Variants in PTPRD observed in about 807,000 individuals in gnomAD.
The protein encoded by PTPRD is receptor-type tyrosine-protein phosphatase delta.
In PTPRD, 34 loss-of-function variants were observed where a neutral mutation model predicts 214.5. The observed-to-expected ratio is 0.16, with a 90% CI of 0.12 to 0.21. The LOEUF (loss-of-function observed/expected upper bound fraction) is 0.21, where lower values mean the gene tolerates loss of function less well. PTPRD is among the 10% of genes least tolerant of loss of function. The pLI, the probability that PTPRD is intolerant of heterozygous loss-of-function variation, is 1.00. For synonymous variants in PTPRD, 1,128 were observed against 845.7 expected (o/e 1.33, Z -5.79); for missense variants, 2,545 against 2,398.7 (o/e 1.06, Z -1.27).
chr9:9,193,394 T>A (rs2099936429), intron 9 of PTPRD, among the ~76,000 whole-genome samples: 1 of 152,158 alleles, frequency 6.6e-6, no homozygotes, highest in Admixed American at 6.6e-5. Context: ...TTTGTAAACT[T>A]GGATAAATGT....
At chr9:9,382,163 T>G (rs2062506407) in intron 9 of PTPRD, among the ~76,000 whole-genome samples, 1 of 152,084 alleles carries the variant, frequency 6.6e-6, no homozygotes, top group African/African-American at 2.4e-5. Flanking sequence ...TTTTTTTTCT[T>G]AATTTTCTTT....
chr9:9,653,905 G>T (rs1295963212), intron 7 of PTPRD, among the ~76,000 whole-genome samples: 1 of 151,994 alleles, frequency 6.6e-6, no homozygotes, highest in Non-Finnish European at 1.5e-5. Flanking sequence ...TCAATGGAAG[G>T]CTTATTTAAA....
chr9:8,936,440 A>AG lies in PTPRD; in HGVS notation c.-104+82256_-104+82257insC, dbSNP rs1445584361. Among the ~76,000 whole-genome samples the AG allele has an allele frequency of 2.9e-3, 438 of 150,060 alleles. 9 individuals are homozygous for AG. Among genetic ancestry groups the AG allele is most frequent in the African/African-American group, 9.4e-3 (385 of 41,036 alleles). On this transcript the variant is annotated intron_variant, in intron 11 of 45. Transcript: ENST00000381196. ...AGACCCTGCCTCCAAAAAAAAAAAA[A>AG]AAAAAAAAAAGAAGATGAAAAATAA...
At chr9:10,204,251 T>G (rs2099453719) in intron 3 of PTPRD, among the ~76,000 whole-genome samples, 1 of 152,162 alleles carries the variant, frequency 6.6e-6, no homozygotes, top group South Asian at 2.1e-4. Flanking sequence ...AAAATCTCTT[T>G]GGGTTTGCTT....
intron 3 of PTPRD, among the ~76,000 whole-genome samples, chr9:10,248,209 G>C (rs1033365686): frequency 6.6e-6 from 1 of 152,100 alleles, no homozygotes; most frequent in Non-Finnish European, 1.5e-5. Flanking sequence ...ATACAGAGTG[G>C]AGGCAAGCAG....
chr9:9,104,958 G>A (rs1465098482), intron 10 of PTPRD, among the ~76,000 whole-genome samples: 1 of 152,140 alleles, frequency 6.6e-6, no homozygotes. Context: ...AACGGATGCT[G>A]TGCACAACAC....
intron 8 of PTPRD, among the ~76,000 whole-genome samples, chr9:9,467,576 G>T (rs530558029): frequency 2.9e-4 from 10 of 34,252 alleles, no homozygotes; most frequent in Non-Finnish European, 6.4e-4. Flanking sequence ...GACAGAGCGG[G>T]ACTCCATCTC....
intron 7 of PTPRD, among the ~76,000 whole-genome samples, chr9:9,577,871 C>T (rs879695312): frequency 6.6e-6 from 1 of 151,652 alleles, no homozygotes; most frequent in East Asian, 1.9e-4. Context: ...CATGGTGAAA[C>T]CCCTTCTCTT....
chr9:9,624,199 C>A (rs1319274386), intron 7 of PTPRD, among the ~76,000 whole-genome samples: 1 of 151,956 alleles, frequency 6.6e-6, no homozygotes, highest in Admixed American at 6.6e-5. Flanking sequence ...TTTTTAATTG[C>A]ACTATTAACT....
intron 2 of PTPRD, among the ~76,000 whole-genome samples, chr9:10,355,773 C>T (rs1037979753): frequency 4.6e-5 from 7 of 151,934 alleles, no homozygotes; most frequent in Admixed American, 1.3e-4. Flanking sequence ...CCACCGCGGC[C>T]GGCCGCTGCT....
intron 8 of PTPRD, among the ~76,000 whole-genome samples, chr9:9,552,494 AACTT>A (rs1354539239): frequency 2.6e-5 from 4 of 152,054 alleles, no homozygotes; most frequent in Non-Finnish European, 5.9e-5. Context: ...AGTTCTTTAT[AACTT>A]ACTTCAGCTT....
At chr9:8,497,517 A>C (rs1332013041) in intron 25 of PTPRD, among the ~76,000 whole-genome samples, 1 of 152,208 alleles carries the variant, frequency 6.6e-6, no homozygotes, top group African/African-American at 2.4e-5. Context: ...GTTCACTGAA[A>C]CATAGCAATG....
intron 30 of PTPRD, among the ~76,000 whole-genome samples, chr9:8,481,925 G>C (rs1224335033): frequency 2.0e-5 from 3 of 152,142 alleles, no homozygotes; most frequent in Non-Finnish European, 4.4e-5. Flanking sequence ...TGGGATTACA[G>C]GCATGCGCCA....
chr9:9,823,883 A>G (rs888615367), intron 5 of PTPRD, among the ~76,000 whole-genome samples: 11 of 152,202 alleles, frequency 7.2e-5, no homozygotes, highest in Admixed American at 5.9e-4. Context: ...TGTTCCCAAC[A>G]CAAAGAAACA....
intron 10 of PTPRD, among the ~76,000 whole-genome samples, chr9:9,024,329 C>T (rs547952804): frequency 9.5e-5 from 12 of 126,770 alleles, no homozygotes; most frequent in African/African-American, 3.4e-4. Flanking sequence ...AGGCTATTGT[C>T]GATTCTTTGT....
chr9:10,552,091 A>G (rs1184830543), intron 2 of PTPRD, among the ~76,000 whole-genome samples: 1 of 152,152 alleles, frequency 6.6e-6, no homozygotes, highest in African/African-American at 2.4e-5. Context: ...GGCTCAAATG[A>G]ATGATTGTCT....
At chr9:9,148,044 G>C (rs1360036484) in intron 10 of PTPRD, among the ~76,000 whole-genome samples, 3 of 152,102 alleles carry the variant, frequency 2.0e-5, no homozygotes, top group African/African-American at 2.4e-5. Flanking sequence ...GAAAATATAG[G>C]TTAATACGCA....
chr9:9,900,474 C>T (rs538750324), intron 5 of PTPRD, among the ~76,000 whole-genome samples: 70 of 152,262 alleles, frequency 4.6e-4, no homozygotes, highest in Middle Eastern at 3.4e-3. Context: ...TCTGAGTCTT[C>T]ATCAGCCTTA....
intron 14 of PTPRD, among the ~76,000 whole-genome samples, chr9:8,550,166 T>C (rs1593435761): frequency 6.6e-6 from 1 of 152,132 alleles, no homozygotes; most frequent in Non-Finnish European, 1.5e-5. Context: ...CAAAAAGTTG[T>C]TTTTCATGTT....
Sources: allele counts gnomAD v4.1 joint callset (sites outside exome capture counted in the v4.1 genomes callset), GRCh38; gene constraint gnomAD v4.1.1; transcripts MANE v1.5; gene names NCBI Gene and HGNC (gene_info 2026-07-23, HGNC 2026-07-21).